The following GRIN2D variants were observed in gnomAD, a reference collection of about 807,000 sequenced individuals.
The protein encoded by GRIN2D is glutamate receptor ionotropic, NMDA 2D.
GRIN2D carries 37 observed loss-of-function variants against 103.2 expected under a neutral mutation model. The ratio of observed to expected loss-of-function variants is 0.36; its 90% confidence interval spans 0.28 to 0.47. The LOEUF (loss-of-function observed/expected upper bound fraction) is 0.47. GRIN2D is among the 20% of genes least tolerant of loss of function. GRIN2D has a pLI of 1.00. For missense variants in GRIN2D, 1,557 were observed against 1,910.6 expected, an observed-to-expected ratio of 0.81 and a Z score of 3.45; for synonymous variants, 845 against 885.6, an observed-to-expected ratio of 0.95 and a Z score of 0.81.
intron 8 of GRIN2D, 58 bp from the exon 9 acceptor site, chr19:48,419,176 C>G: frequency 1.3e-6 from 2 of 1,556,398 alleles, no homozygotes; most frequent in Non-Finnish European, 1.7e-6. Context: ...ACCGCCCCAG[C>G]CTGATCCCCG....
At position 48,442,778 on chromosome 19, in the gene GRIN2D, C is replaced by G. The variant is rs1167787806; in HGVS notation, c.2852C>G (p.Pro951Arg). Residue 951 changes from proline to arginine, a missense_variant, in exon 14 of 14, where the codon CCG (proline) becomes CGG (arginine). Coordinates refer to ENST00000263269, the MANE Select transcript of GRIN2D (RefSeq NM_000836.4). This position sits in a 1 kb window ranked among gnomAD's most constrained non-coding sequence, Gnocchi z 7.2. The stretch of plus-strand genomic sequence containing the variant: ...TGGCGCCGGACCAAGGGCGCGGGGC[C>G]GCCGGGGGGCGCGGGCCTGGCCGAC... ...DRWRRTKGAGPPGGAGLADGF... is the reference protein window; with the variant it reads ...DRWRRTKGAGRPGGAGLADGF... 9.4e-7 allele frequency: 1 copy of G among 1,068,026 alleles called. No homozygotes were observed. The highest frequency in any genetic ancestry group is 1.1e-6 in the Non-Finnish European group (1 of 884,954). 66.2% of individuals were successfully genotyped at this position (1,068,026 alleles called of 1,614,324 possible).
Position 48,442,595 on chromosome 19 carries a change from C to A in GRIN2D, c.2674-5C>A. On this transcript the variant is annotated splice_region_variant and splice_polypyrimidine_tract_variant and intron_variant, in intron 13 of 13. Coordinates refer to ENST00000263269, the MANE Select transcript of GRIN2D (RefSeq NM_000836.4). This position sits in a 1 kb window ranked among gnomAD's most constrained non-coding sequence, Gnocchi z 7.2. ...CTGACCCCCGTCCTGTCCCCGGACC[C>A]GCAGGGCATGTACAGCTGCTGCAGC... is the stretch of plus-strand genomic sequence containing the variant. 1 of 1,503,900 alleles carries A rather than the reference C, an allele frequency of 6.6e-7. No individual in the cohort carries two copies. The allele number at this position is 1,503,900 out of a possible 1,614,324, so 93.2% of individuals were successfully genotyped here.
chr19:48,399,053 C>A (rs1018389191), intron 3 of GRIN2D, among the ~76,000 whole-genome samples, 196 bp downstream of exon 3: 8 of 151,976 alleles, frequency 5.3e-5, no homozygotes, highest in African/African-American at 1.9e-4. Context: ...TTGGAGGGGG[C>A]TGGTCTATAG....
In GRIN2D at chr19:48,412,683, G is replaced by A. The variant is rs1372896454; in HGVS notation, c.1086-1308G>A. 4.0e-5 allele frequency among the ~76,000 whole-genome samples: 6 copies of A among 151,532 alleles called. No homozygotes were observed. The South Asian group carries it at 8.3e-4, about 21-fold the overall frequency. On this transcript the variant is annotated intron_variant, in intron 4 of 13. Coordinates refer to ENST00000263269, the MANE Select transcript of GRIN2D (RefSeq NM_000836.4). ...GGGCGCCTGTAATCCCAGCTACTCG[G>A]GAGGCTGAGGCAGGAGAATTGCTTG...
At chr19:48,433,177 G>T (rs902080662) in intron 11 of GRIN2D, among the ~76,000 whole-genome samples, 2 of 148,992 alleles carry the variant, frequency 1.3e-5, no homozygotes, top group South Asian at 4.5e-4. Flanking sequence ...AGACCAGCCT[G>T]ACCAACATGG....
In GRIN2D at chr19:48,394,017, C is replaced by T. The variant is rs1049871994; in HGVS notation, c.-306+149C>T. ...GGGTGTCGTGGGGCTCCCGCTCCTTCCCCCCGGCCCCCCCAAACCCAGATG... is the reference window on the plus strand; with the variant it reads ...GGGTGTCGTGGGGCTCCCGCTCCTTTCCCCCGGCCCCCCCAAACCCAGATG... On this transcript the variant is annotated intron_variant, in intron 1 of 13. Transcript: ENST00000263269. The surrounding 1 kb of genome is among the most constrained non-coding windows in gnomAD (Gnocchi z 5.1). Among the ~76,000 whole-genome samples the T allele has an allele frequency of 8.5e-5, 13 of 152,108 alleles. 1 individual carries two copies. Among genetic ancestry groups the T allele is most frequent in the African/African-American group, 2.7e-4 (11 of 41,490 alleles).
intron 11 of GRIN2D, among the ~76,000 whole-genome samples, chr19:48,422,600 A>G (rs1345425375): frequency 1.4e-5 from 2 of 147,372 alleles, no homozygotes; most frequent in African/African-American, 5.2e-5. Flanking sequence ...ACAGAGCGAG[A>G]CTCCGTCTCA....
In GRIN2D at chr19:48,414,823, A is replaced by AG. The variant is rs1259146343; in HGVS notation, c.1413-36dup. ...CCTCTCTTCATGAGAGAGTCTAAGG[A>AG]GGGGGTCCCCAAACTCCCCAAGCCT... On this transcript the variant is annotated intron_variant, in intron 6 of 13. Transcript: ENST00000263269. The surrounding 1 kb of genome is among the most constrained non-coding windows in gnomAD (Gnocchi z 4.6). The AG allele has an allele frequency of 9.3e-6, 15 of 1,604,454 alleles. No homozygotes were observed. Among genetic ancestry groups the AG allele is most frequent in the Middle Eastern group, 1.7e-4 (1 of 5,840 alleles).
At chr19:48,440,516 C>T (rs563775600) in intron 11 of GRIN2D, among the ~76,000 whole-genome samples, 6 of 152,150 alleles carry the variant, frequency 3.9e-5, no homozygotes, top group African/African-American at 1.2e-4. Context: ...TCGGTTGAAC[C>T]GAAGAGGTCA....
At chr19:48,429,818 C>T (rs1482459580) in intron 11 of GRIN2D, among the ~76,000 whole-genome samples, 1 of 151,924 alleles carries the variant, frequency 6.6e-6, no homozygotes, top group African/African-American at 2.4e-5. Context: ...CTCAGCCTCC[C>T]AAAGCACCAG....
chr19:48,410,021 G>A (rs962356351), intron 4 of GRIN2D, among the ~76,000 whole-genome samples: 4 of 151,402 alleles, frequency 2.6e-5, no homozygotes, highest in Admixed American at 2.0e-4. Flanking sequence ...CTGACCTCAA[G>A]TGATCTGCCC....
chr19:48,399,861 G>A (rs1417222868), intron 3 of GRIN2D, among the ~76,000 whole-genome samples: 1 of 151,690 alleles, frequency 6.6e-6, no homozygotes, highest in African/African-American at 2.4e-5. Flanking sequence ...TCAGAAAAGG[G>A]GGCGGGGCTA....
At chr19:48,416,745 CTTTT>C (rs56292890) in intron 8 of GRIN2D, among the ~76,000 whole-genome samples, 2 of 141,156 alleles carry the variant, frequency 1.4e-5, no homozygotes, top group African/African-American at 5.3e-5. Flanking sequence ...CTCTCTCTCT[CTTTT>C]TTTTTTTTTC....
intron 11 of GRIN2D, among the ~76,000 whole-genome samples, chr19:48,431,913 C>CTTTATTT (rs71334296): frequency 0.24 from 34,815 of 147,550 alleles, 4,838 homozygotes; most frequent in African/African-American, 0.38. Context: ...TTTATCTTTT[C>CTTTATTT]TTTATTTTTT....
intron 2 of GRIN2D, among the ~76,000 whole-genome samples, chr19:48,396,179 G>A (rs572030171): frequency 3.3e-5 from 5 of 152,154 alleles, no homozygotes; most frequent in South Asian, 2.1e-4. Flanking sequence ...AGATGGAGGC[G>A]GGGGGAGCGG....
chr19:48,426,224 C>CTTT (rs369360320), intron 11 of GRIN2D, among the ~76,000 whole-genome samples: 92 of 120,070 alleles, frequency 7.7e-4, no homozygotes, highest in African/African-American at 2.5e-3. Context: ...TTCTTTCTTT[C>CTTT]TTTTTTTTTT....
rs1047475839 is a variant in GRIN2D at position 48,421,567 on chromosome 19, G to A, written c.2092-218G>A. 6.6e-6 allele frequency among the ~76,000 whole-genome samples: 1 copy of A among 152,210 alleles called. No individual in the cohort carries two copies. Among genetic ancestry groups the A allele is most frequent in the African/African-American group, 2.4e-5 (1 of 41,446 alleles). On this transcript the variant is annotated intron_variant, in intron 10 of 13. Transcript: ENST00000263269. This position sits in a 1 kb window ranked among gnomAD's most constrained non-coding sequence, Gnocchi z 4.8. The stretch of plus-strand genomic sequence containing the variant: ...AACACCTGGCACATCAGGGGCCTCA[G>A]GGAGGCTTCTCGTGAACTTTTGGAT...
chr19:48,398,743 C>G lies in GRIN2D; in HGVS notation c.351C>G (p.Phe117Leu). The change falls in exon 3 of 14, where the codon TTC (phenylalanine) becomes TTG (leucine). Residue 117 changes from phenylalanine (F) to leucine (L), a missense_variant. Coordinates refer to ENST00000263269, the MANE Select transcript of GRIN2D (RefSeq NM_000836.4). ...GGTTGCGCGTGCACGGCGTGGTCTT[C>G]GAAGACGACTCGCGCGCGCCCGCCG... is the stretch of plus-strand genomic sequence containing the variant. ...LSGLRVHGVV[F>L]EDDSRAPAVA... The G allele has an allele frequency of 6.8e-7, 1 of 1,466,336 alleles. No individual in the cohort carries two copies. The highest frequency in any genetic ancestry group is 9.0e-7 in the Non-Finnish European group (1 of 1,115,172). The allele number at this position is 1,466,336 out of a possible 1,614,324, so 90.8% of individuals were successfully genotyped here.
intron 8 of GRIN2D, among the ~76,000 whole-genome samples, 190 bp downstream of exon 8, chr19:48,416,345 C>T (rs1970949436): frequency 1.3e-5 from 2 of 152,206 alleles, no homozygotes; most frequent in South Asian, 4.1e-4. Flanking sequence ...AATAATTTCC[C>T]TACCCAGAAG....
Sources: gnomAD v4.1 joint callset for allele counts (sites outside exome capture counted in the v4.1 genomes callset) on GRCh38, gnomAD v4.1.1 for gene constraint, Gnocchi (gnomAD v3.1) non-coding constraint, MANE v1.5 for transcripts, NCBI Gene and HGNC (gene_info 2026-07-23, HGNC 2026-07-21) for gene names.